The following ABCB11 variants were observed in gnomAD, a reference collection of about 807,000 sequenced individuals.
The protein encoded by ABCB11 is bile salt export pump.
A neutral mutation model predicts 148.0 loss-of-function variants in ABCB11; 95 were observed. The ratio of observed to expected loss-of-function variants is 0.64; its 90% CI spans 0.54 to 0.76. ABCB11 has a LOEUF of 0.76. ABCB11 is among the 30% of genes least tolerant of loss of function. The probability of loss-of-function intolerance (pLI) is 0.00; values close to 1 mark genes in which losing one functional copy is unlikely to be tolerated. For missense variants in ABCB11, 1,523 were observed against 1,617.8 expected (o/e 0.94, Z 1.01); for synonymous variants, 591 against 555.4 (o/e 1.06, Z -0.90).
At chr2:168,955,839 T>C (rs959518306) in intron 19 of ABCB11, among the ~76,000 whole-genome samples, 9 of 151,494 alleles carry the variant, frequency 5.9e-5, no homozygotes, top group Non-Finnish European at 1.0e-4. Context: ...AAAATGGGGG[T>C]ACAAGCATTG....
chr2:168,980,299 G>T (rs941899309), intron 10 of ABCB11, among the ~76,000 whole-genome samples: 10 of 152,130 alleles, frequency 6.6e-5, no homozygotes, highest in Non-Finnish European at 1.5e-4. Flanking sequence ...CTTGAATAGT[G>T]ATTTGATAAT....
chr2:168,955,802 C>A (rs554810866), intron 19 of ABCB11, among the ~76,000 whole-genome samples: 1 of 151,696 alleles, frequency 6.6e-6, no homozygotes, highest in South Asian at 2.1e-4. Context: ...CCTGTAAAAT[C>A]AAAAATAAGT....
chr2:168,932,846 A>G (rs1691640563), intron 23 of ABCB11, among the ~76,000 whole-genome samples: 1 of 152,024 alleles, frequency 6.6e-6, no homozygotes, highest in Non-Finnish European at 1.5e-5. Flanking sequence ...GCGGTGGCTC[A>G]CTCCTGTAAT....
intron 19 of ABCB11, among the ~76,000 whole-genome samples, chr2:168,948,308 T>C (rs1692418546): frequency 6.6e-6 from 1 of 151,786 alleles, no homozygotes; most frequent in African/African-American, 2.4e-5. Flanking sequence ...TCCAACCCTA[T>C]TCCCTACACC....
rs2105873738 is a variant in ABCB11 at position 168,923,760 on chromosome 2, G to A, written c.3828C>T (p.Arg1276=). Residue 1276 remains arginine (R), a synonymous_variant, in exon 28 of 28, where the codon CGC becomes CGT. Transcript: ENST00000650372. ...TATCCGCGTTCTGGATGGTGGACAA[G>A]CGATGGGCAATGACAATGCAGGTCC... ...EGRTCIVIAH[R]LSTIQNADII... 3 of 1,613,900 alleles carry A rather than the reference G, an allele frequency of 1.9e-6. No individual in the cohort carries two copies. Among genetic ancestry groups the A allele is most frequent in the Non-Finnish European group, 2.5e-6 (3 of 1,179,878 alleles).
At chr2:169,014,232 A>G in intron 4 of ABCB11, 71 bp downstream of exon 4, 193 of 1,106,374 alleles carry the variant, frequency 1.7e-4, no homozygotes, top group Non-Finnish European at 2.4e-4. Flanking sequence ...CTAAAGATTT[A>G]ACACTCCCCT....
downstream of ABCB11, among the ~76,000 whole-genome samples, chr2:168,918,524 G>A (rs1481048652): frequency 6.6e-6 from 1 of 152,150 alleles, no homozygotes; most frequent in Non-Finnish European, 1.5e-5. Flanking sequence ...CAGATAGATA[G>A]CATCATACCA....
At chr2:169,025,153 C>T (rs2106072773) in intron 1 of ABCB11, among the ~76,000 whole-genome samples, 2 of 152,036 alleles carry the variant, frequency 1.3e-5, no homozygotes, top group East Asian at 1.9e-4. Flanking sequence ...TTTATTTTTT[C>T]CCTTGGCTTA....
chr2:168,931,860 C>T (rs1038260725), intron 24 of ABCB11, among the ~76,000 whole-genome samples: 2 of 152,108 alleles, frequency 1.3e-5, no homozygotes, highest in African/African-American at 4.8e-5. Context: ...TATAAATCTA[C>T]TGTTTGTCTT....
Position 168,930,695 on chromosome 2 carries a change from T to C in ABCB11, c.3381A>G (p.Glu1127=), listed in dbSNP as rs1007406465. ...CGKSTSIQLL[E]RFYDPDQGKV... ...TCCCTTGATCAGGATCATAGAAACG[T>C]TCCAACAGCTGAATGCTAGTGCTTT... is the stretch of plus-strand genomic sequence containing the variant. The change falls in exon 25 of 28, where the codon GAA becomes GAG. Residue 1127 remains glutamate, a synonymous_variant. Coordinates refer to ENST00000650372, the MANE Select transcript of ABCB11 (RefSeq NM_003742.4). 1 of 1,577,788 alleles carries C rather than the reference T, an allele frequency of 6.3e-7. No homozygotes were observed. Among genetic ancestry groups the C allele is most frequent in the Middle Eastern group, 1.7e-4 (1 of 5,916 alleles).
At position 168,993,906 on chromosome 2, in the gene ABCB11, C is replaced by A; in HGVS notation, c.612-24G>T. ...CACTAGAAACCAGAAAGATTTTGGT[C>A]ACTAAAACTGAATTTGATCATTCAA... On this transcript the variant is annotated intron_variant, in intron 7 of 27. Transcript: ENST00000650372. 1.9e-6 allele frequency: 3 copies of A among 1,577,500 alleles called. No homozygotes were observed. The South Asian group carries it at 3.5e-5, about 18-fold the overall frequency.
intron 12 of ABCB11, among the ~76,000 whole-genome samples, chr2:168,974,328 AACTT>A (rs1287446224): frequency 6.6e-6 from 1 of 152,036 alleles, no homozygotes; most frequent in African/African-American, 2.4e-5. Flanking sequence ...CATTTGAATA[AACTT>A]ACTTAATAAA....
chr2:169,011,200 A>T (rs571804493), intron 5 of ABCB11, among the ~76,000 whole-genome samples: 67 of 152,338 alleles, frequency 4.4e-4, no homozygotes, highest in African/African-American at 1.4e-3. Context: ...ATTTTAAGGC[A>T]TGATAAGATA....
At chr2:169,018,915 G>A (rs1016649978) in intron 1 of ABCB11, among the ~76,000 whole-genome samples, 2 of 152,144 alleles carry the variant, frequency 1.3e-5, no homozygotes, top group African/African-American at 4.8e-5. Flanking sequence ...GAGAAGTACC[G>A]AAGAGTAAGC....
intron 23 of ABCB11, among the ~76,000 whole-genome samples, chr2:168,934,290 G>A (rs1338105111): frequency 6.6e-6 from 1 of 152,080 alleles, no homozygotes; most frequent in East Asian, 1.9e-4. Flanking sequence ...TACCAGGTGA[G>A]AAGGCGGGAC....
At position 168,933,650 on chromosome 2, in the gene ABCB11, G is replaced by A. The variant is rs1425014329; in HGVS notation, c.3057-1117C>T. 7.2e-5 allele frequency among the ~76,000 whole-genome samples: 11 copies of A among 152,292 alleles called. No individual in the cohort carries two copies. In the South Asian group the frequency reaches 2.3e-3, roughly 32 times the overall value. On this transcript the variant is annotated intron_variant, in intron 23 of 27. Transcript: ENST00000650372. ...CCCGGGAGCCCAGTTTAAAGCCTAAGGGAATGAAAAGCACTTGAAATGAAA... is the reference window on the plus strand; with the variant it reads ...CCCGGGAGCCCAGTTTAAAGCCTAAAGGAATGAAAAGCACTTGAAATGAAA...
chr2:169,016,640 G>C, intron 3 of ABCB11, 138 bp downstream of exon 3: 2 of 728,040 alleles, frequency 2.7e-6, no homozygotes. Context: ...ATATTTTAAA[G>C]AGAAAAAGAA....
intron 4 of ABCB11, 69 bp downstream of exon 4, chr2:169,014,234 C>CCG: frequency 2.6e-6 from 3 of 1,168,870 alleles, no homozygotes; most frequent in South Asian, 1.3e-5. Context: ...AAAGATTTAA[C>CCG]ACTCCCCTCA....
rs1178103785 is a variant in ABCB11, at chr2:168,952,688, TTTG to T, written c.2343+5273_2343+5275del. ...TTCATTGCTCCTTTGTTTTTTTTTT[TTTG>T]TTTGTTTCTATTTTGTATAGTTCTG... On this transcript the variant is annotated intron_variant, in intron 19 of 27. Coordinates refer to ENST00000650372, the MANE Select transcript of ABCB11 (RefSeq NM_003742.4). 1.1e-3 allele frequency among the ~76,000 whole-genome samples: 131 copies of T among 119,646 alleles called. 1 individual carries two copies. Among genetic ancestry groups the T allele is most frequent in the African/African-American group, 3.4e-3 (127 of 36,896 alleles). The allele number at this position is 119,646 out of a possible 152,430, so 78.5% of individuals were successfully genotyped here.
Sources: gnomAD v4.1 joint callset for allele counts (sites outside exome capture counted in the v4.1 genomes callset) on GRCh38, gnomAD v4.1.1 for gene constraint, MANE v1.5 for transcripts, NCBI Gene and HGNC (gene_info 2026-07-23, HGNC 2026-07-21) for gene names.